Variants in ARHGAP29 observed in about 807,000 individuals in gnomAD.
ARHGAP29 encodes rho GTPase-activating protein 29.
A neutral mutation model predicts 122.6 loss-of-function variants in ARHGAP29; 43 were observed. That is an observed-to-expected ratio of 0.35 (90% CI 0.27 to 0.45). ARHGAP29 has a LOEUF of 0.45. ARHGAP29 is among the 20% of genes least tolerant of loss of function. The pLI is 1.00. For synonymous variants in ARHGAP29, 506 were observed against 497.1 expected, an observed-to-expected ratio of 1.02 and a Z score of -0.24; for missense variants, 1,303 against 1,477.2, an observed-to-expected ratio of 0.88 and a Z score of 1.93.
chr1:94,306,805 T>C, the ARHGAP29 span, among the ~76,000 whole-genome samples: 4 of 152,228 alleles, frequency 2.6e-5, no homozygotes, highest in Admixed American at 6.5e-5. Flanking sequence ...ACTCAAAAAA[T>C]AGGGGTTTAC....
intron 1 of ARHGAP29, among the ~76,000 whole-genome samples, chr1:94,254,341 C>T (rs1253081983): frequency 6.6e-6 from 1 of 152,178 alleles, no homozygotes; most frequent in African/African-American, 2.4e-5. Flanking sequence ...ATATATCCTA[C>T]TAGCCAAAAA....
Position 94,253,521 on chromosome 1 carries a change from T to A in ARHGAP29, c.-33+21491A>T, listed in dbSNP as rs556807710. On this transcript the variant is annotated intron_variant and NMD_transcript_variant, in intron 1 of 25. Transcript: ENST00000552844. ...AAATTTACTCCTATTATTTTGGAGGTCTGACTTATTGTACTAAAAATTATG... is the reference window on the plus strand; with the variant it reads ...AAATTTACTCCTATTATTTTGGAGGACTGACTTATTGTACTAAAAATTATG... Among the ~76,000 whole-genome samples the A allele has an allele frequency of 1.1e-4, 17 of 152,328 alleles. No homozygotes were observed. In the South Asian group the frequency reaches 3.3e-3, roughly 30 times the overall value.
chr1:94,218,219 A>C (rs2101575112), intron 3 of ARHGAP29, among the ~76,000 whole-genome samples: 1 of 152,276 alleles, frequency 6.6e-6, no homozygotes, highest in East Asian at 1.9e-4. Flanking sequence ...TAAACTTAAC[A>C]CAAAGAAAAC....
intron 1 of ARHGAP29, among the ~76,000 whole-genome samples, chr1:94,270,194 A>T (rs989576546): frequency 6.6e-6 from 1 of 152,212 alleles, no homozygotes; most frequent in Non-Finnish European, 1.5e-5. Context: ...AATGTGGAAA[A>T]TAAACTCTAT....
At chr1:94,192,579 A>C (rs1469793010) in intron 12 of ARHGAP29, 1 of 152,336 alleles carries the variant, frequency 6.6e-6, no homozygotes, top group Non-Finnish European at 1.5e-5. Context: ...CAATGATGGC[A>C]GTAGCAGCTG....
intron 1 of ARHGAP29, among the ~76,000 whole-genome samples, chr1:94,264,389 T>C (rs1654678783): frequency 6.6e-6 from 1 of 152,160 alleles, no homozygotes; most frequent in Non-Finnish European, 1.5e-5. Flanking sequence ...AGACTCCATT[T>C]GGGAAGAACA....
chr1:94,172,612 G>GAGATAT lies in ARHGAP29; in HGVS notation c.*1256_*1257insATATCT, dbSNP rs145016128. The GAGATAT allele has an allele frequency of 6.9e-6, 1 of 145,060 alleles. No homozygotes were observed. Among genetic ancestry groups the GAGATAT allele is most frequent in the South Asian group, 2.2e-4 (1 of 4,586 alleles). The allele number at this position is 145,060 out of a possible 1,614,324, so 9.0% of individuals were successfully genotyped here. On this transcript the variant is annotated 3_prime_UTR_variant, in exon 23 of 23. Transcript: ENST00000260526. ...GGAACATGAAATAATTTAACAAGTT[G>GAGATAT]ATATATATATATATATATATTATCA...
chr1:94,221,670 T>C (rs954293484), intron 2 of ARHGAP29, among the ~76,000 whole-genome samples: 3 of 150,748 alleles, frequency 2.0e-5, no homozygotes, highest in African/African-American at 7.3e-5. Context: ...TGTGCACATA[T>C]GTATATATGT....
chr1:94,189,901 A>G (rs1650033639), intron 13 of ARHGAP29, 25 bp downstream of exon 13: 1 of 1,607,784 alleles, frequency 6.2e-7, no homozygotes, highest in Non-Finnish European at 8.5e-7. Flanking sequence ...TTTTGAAATA[A>G]TTTTGTCTGT....
At chr1:94,195,596 G>A (rs921362569) in intron 12 of ARHGAP29, 1 of 151,670 alleles carries the variant, frequency 6.6e-6, no homozygotes, top group African/African-American at 2.4e-5. Context: ...AATAGATTAA[G>A]GAAAATATCA....
At position 94,171,046 on chromosome 1, in the gene ARHGAP29, G is replaced by A. The variant is rs931281669; in HGVS notation, c.*2823C>T. Among the ~76,000 whole-genome samples the A allele has an allele frequency of 6.6e-6, 1 of 152,018 alleles. No homozygotes were observed. The highest frequency in any genetic ancestry group is 2.4e-5 in the African/African-American group (1 of 41,384). On this transcript the variant is annotated 3_prime_UTR_variant, in exon 23 of 23. Transcript: ENST00000260526. ...ACATCACCATAATTTCCTGCCTGTA[G>A]GAAAGAAAAACCCACAGAATTCCAC...
intron 3 of ARHGAP29, among the ~76,000 whole-genome samples, chr1:94,219,951 G>C (rs1463989864): frequency 6.6e-6 from 1 of 152,096 alleles, no homozygotes; most frequent in Non-Finnish European, 1.5e-5. Context: ...AAGACTTCTT[G>C]TACACCAATC....
At chr1:94,177,252 C>A in intron 22 of ARHGAP29, 1 of 167,310 alleles carries the variant, frequency 6.0e-6, no homozygotes, top group Admixed American at 6.1e-5. Flanking sequence ...GAGCAGTTAG[C>A]TCAATGCACT....
At chr1:94,263,706 C>A (rs1654648737) in intron 1 of ARHGAP29, among the ~76,000 whole-genome samples, 3 of 152,082 alleles carry the variant, frequency 2.0e-5, no homozygotes, top group Non-Finnish European at 4.4e-5. Flanking sequence ...CAGTATTTTT[C>A]CTTTCAGTCA....
Position 94,173,086 on chromosome 1 carries a change from GA to G in ARHGAP29, c.*782del, listed in dbSNP as rs1263928863. ...CATTTATAAAATACTAAAAAGTTCAGAACTGCTGAAAAACAAAAGTTTATAT... is the reference window on the plus strand; with the variant it reads ...CATTTATAAAATACTAAAAAGTTCAGACTGCTGAAAAACAAAAGTTTATAT... On this transcript the variant is annotated 3_prime_UTR_variant, in exon 23 of 23. Transcript: ENST00000260526. 1 of 152,492 alleles carries G rather than the reference GA, an allele frequency of 6.6e-6. No homozygotes were observed. Among genetic ancestry groups the G allele is most frequent in the Non-Finnish European group, 1.5e-5 (1 of 67,982 alleles). The allele number at this position is 152,492 out of a possible 1,614,324, so 9.4% of individuals were successfully genotyped here.
chr1:94,268,529 G>A (rs910260413), intron 1 of ARHGAP29, among the ~76,000 whole-genome samples: 1 of 152,054 alleles, frequency 6.6e-6, no homozygotes, highest in Admixed American at 6.6e-5. Flanking sequence ...TTCCACATGG[G>A]TAAGGGTTTT....
At chr1:94,307,519 A>G in the ARHGAP29 span, among the ~76,000 whole-genome samples, 1 of 152,228 alleles carries the variant, frequency 6.6e-6, no homozygotes. Context: ...AACAAGAAAA[A>G]TGGGAGTAAT....
the ARHGAP29 span, among the ~76,000 whole-genome samples, chr1:94,299,690 C>G: frequency 3.9e-5 from 6 of 151,906 alleles, no homozygotes; most frequent in Non-Finnish European, 8.8e-5. Context: ...ACTGTGGGAG[C>G]CTGGAGCTCT....
intron 6 of ARHGAP29, 126 bp from the exon 7 acceptor site, chr1:94,205,324 C>A: frequency 1.3e-6 from 1 of 746,112 alleles, no homozygotes; most frequent in South Asian, 3.4e-5. Flanking sequence ...ATACAAGTGA[C>A]AAATTTACAA....
Sources: allele counts gnomAD v4.1 joint callset (sites outside exome capture counted in the v4.1 genomes callset), GRCh38; gene constraint gnomAD v4.1.1; transcripts MANE v1.5; gene names NCBI Gene and HGNC (gene_info 2026-07-23, HGNC 2026-07-21).